The following PLPPR4 variants were observed in gnomAD, a reference collection of about 807,000 sequenced individuals.
PLPPR4 encodes the protein phospholipid phosphatase related 4.
PLPPR4 carries 24 observed loss-of-function variants against 56.6 expected under a neutral mutation model. The observed-to-expected ratio is 0.42, with a 90% CI of 0.31 to 0.60. PLPPR4 has a LOEUF of 0.60. PLPPR4 is among the 20% of genes least tolerant of loss of function. PLPPR4 has a pLI of 0.13. For synonymous variants in PLPPR4, 326 were observed against 328.1 expected, an observed-to-expected ratio of 0.99 and a Z score of 0.07; for missense variants, 654 against 885.8, an observed-to-expected ratio of 0.74 and a Z score of 3.32.
intron 1 of PLPPR4, among the ~76,000 whole-genome samples, chr1:99,273,897 G>A (rs536070468): frequency 6.6e-4 from 101 of 152,030 alleles, no homozygotes; most frequent in African/African-American, 2.2e-3. Flanking sequence ...GATATTGCTC[G>A]GCCTTGTGGA....
At chr1:99,295,371 TA>T (rs960244744) in intron 2 of PLPPR4, among the ~76,000 whole-genome samples, 7 of 152,112 alleles carry the variant, frequency 4.6e-5, no homozygotes, top group East Asian at 1.9e-4. Flanking sequence ...TTAGATTTTT[TA>T]AAAAAAACTA....
chr1:99,296,900 C>CT (rs5776465), intron 3 of PLPPR4, 33 bp downstream of exon 3: 3,099 of 1,365,450 alleles, frequency 2.3e-3, no homozygotes, highest in South Asian at 4.1e-3. Context: ...AAAAGAAATG[C>CT]TTTTTTTTTT....
intron 1 of PLPPR4, among the ~76,000 whole-genome samples, chr1:99,280,380 A>C (rs942491985): frequency 6.6e-6 from 1 of 152,198 alleles, no homozygotes; most frequent in Non-Finnish European, 1.5e-5. Context: ...AGTATCTGGC[A>C]CCTAAGTCCT....
chr1:99,287,913 T>C, intron 1 of PLPPR4, 52 bp from the exon 2 acceptor site: 1 of 1,411,792 alleles, frequency 7.1e-7, no homozygotes, highest in Non-Finnish European at 9.8e-7. Context: ...TTTCTATGTA[T>C]GCCCTGTATA....
rs1267061575 is a variant in PLPPR4, at chr1:99,307,620, G to A, written c.*610G>A. ...GACACCCCGCAGCTTCTCTGTAGTG[G>A]CTCTGTCACAGTCAAAAAATGAAAA... On this transcript the variant is annotated 3_prime_UTR_variant, in exon 7 of 7. Coordinates refer to ENST00000370185, the MANE Select transcript of PLPPR4 (RefSeq NM_014839.5). 6.6e-6 allele frequency: 1 copy of A among 152,138 alleles called. No homozygotes were observed. Among genetic ancestry groups the A allele is most frequent in the African/African-American group, 2.4e-5 (1 of 41,416 alleles). The allele number at this position is 152,138 out of a possible 1,614,324, so 9.4% of individuals were successfully genotyped here. A position where few individuals can be genotyped will look rare whatever the true frequency, so the allele number is the denominator to read the frequency against.
At chr1:99,282,755 T>G (rs712890) in intron 1 of PLPPR4, among the ~76,000 whole-genome samples, 42,317 of 151,566 alleles carry the variant, frequency 0.28, 6,152 homozygotes, top group Admixed American at 0.34. Context: ...CACTTCCTCC[T>G]TTTGATTATG....
At chr1:99,280,654 T>C (rs1021672317) in intron 1 of PLPPR4, among the ~76,000 whole-genome samples, 4 of 152,184 alleles carry the variant, frequency 2.6e-5, no homozygotes, top group Admixed American at 2.6e-4. Flanking sequence ...AGTCTTCAAT[T>C]CTGAGTGGAG....
chr1:99,288,609 A>G (rs1659533557), intron 2 of PLPPR4, among the ~76,000 whole-genome samples: 1 of 152,198 alleles, frequency 6.6e-6, no homozygotes, highest in South Asian at 2.1e-4. Context: ...CTGAGCATAA[A>G]TAATTATAAA....
chr1:99,305,401 C>A lies in PLPPR4; in HGVS notation c.823-284C>A, dbSNP rs572193925. Among the ~76,000 whole-genome samples, 8 of 152,222 alleles carry A rather than the reference C, an allele frequency of 5.3e-5. No individual in the cohort carries two copies. In the South Asian group the frequency reaches 1.7e-3, roughly 32 times the overall value. On this transcript the variant is annotated intron_variant, in intron 6 of 6. Transcript: ENST00000370185. ...AAAAAAGTCCTTATTTCTCTCTTGT[C>A]TGCTTTTTCTTCTGAAAATATACAC...
intron 1 of PLPPR4, among the ~76,000 whole-genome samples, chr1:99,271,924 G>GTC (rs1659068401): frequency 7.6e-6 from 1 of 132,238 alleles, no homozygotes; most frequent in African/African-American, 2.9e-5. Flanking sequence ...GTGTGTGTGT[G>GTC]TGTGTGTGTG....
chr1:99,309,280 C>T lies in PLPPR4; in HGVS notation c.*2270C>T, dbSNP rs1490617469. The stretch of plus-strand genomic sequence containing the variant: ...TAAATCAGACTAAAAGGTGGTATCT[C>T]TTCTTAGTGTTCTATTTATCTTATT... On this transcript the variant is annotated 3_prime_UTR_variant, in exon 7 of 7. Coordinates refer to ENST00000370185, the MANE Select transcript of PLPPR4 (RefSeq NM_014839.5). 2 of 152,418 alleles carry T rather than the reference C, an allele frequency of 1.3e-5. No individual in the cohort carries two copies. Among genetic ancestry groups the T allele is most frequent in the African/African-American group, 4.8e-5 (2 of 41,412 alleles). 9.4% of individuals were successfully genotyped at this position (152,418 alleles called of 1,614,324 possible). A position where few individuals can be genotyped will look rare whatever the true frequency, so the allele number is the denominator to read the frequency against.
Position 99,301,771 on chromosome 1 carries a change from T to C in PLPPR4, c.696T>C (p.Pro232=), listed in dbSNP as rs775473093. ...TLTDSSKLLK[P]LLVFTFIICG... is the part of the protein sequence containing the mutation. ...CGGATTCCTCTAAGCTTCTGAAACC[T>C]CTCTTGGTCTTCACATTTATCATCT... The change falls in exon 6 of 7, where the codon CCT becomes CCC. Residue 232 remains proline, a synonymous_variant. Transcript: ENST00000370185. The C allele has an allele frequency of 3.1e-6, 5 of 1,612,136 alleles. No individual in the cohort carries two copies. The East Asian group carries it at 8.9e-5, about 29-fold the overall frequency.
chr1:99,271,267 T>C (rs962819093), intron 1 of PLPPR4, among the ~76,000 whole-genome samples: 2 of 152,344 alleles, frequency 1.3e-5, no homozygotes, highest in Admixed American at 6.5e-5. Flanking sequence ...GGCATTGTTA[T>C]CTTTATTTTT....
intron 1 of PLPPR4, among the ~76,000 whole-genome samples, chr1:99,285,157 T>A (rs1230276252): frequency 2.6e-5 from 4 of 152,200 alleles, no homozygotes; most frequent in Non-Finnish European, 5.9e-5. Flanking sequence ...CTAGAATTCA[T>A]GGATTCAAAA....
intron 6 of PLPPR4, among the ~76,000 whole-genome samples, chr1:99,304,906 G>T (rs1410426040): frequency 6.6e-6 from 1 of 152,060 alleles, no homozygotes; most frequent in African/African-American, 2.4e-5. Context: ...ATGATTTTGA[G>T]TCTGAACTTT....
chr1:99,270,030 TGTG>T (rs1181830930), intron 1 of PLPPR4, among the ~76,000 whole-genome samples: 2 of 151,304 alleles, frequency 1.3e-5, no homozygotes, highest in African/African-American at 4.9e-5. Flanking sequence ...TGTGTGTGTG[TGTG>T]TGTGTGTGTG....
At chr1:99,288,576 T>A (rs1270995678) in intron 2 of PLPPR4, among the ~76,000 whole-genome samples, 2 of 152,142 alleles carry the variant, frequency 1.3e-5, no homozygotes, top group African/African-American at 4.8e-5. Flanking sequence ...TACTAGATTA[T>A]CACTGTTTAT....
chr1:99,277,709 C>T (rs1004119285), intron 1 of PLPPR4, among the ~76,000 whole-genome samples: 3 of 151,830 alleles, frequency 2.0e-5, no homozygotes, highest in Non-Finnish European at 4.4e-5. Context: ...GCTGCTCTGA[C>T]AGGGGTTCTT....
Position 99,306,912 on chromosome 1 carries a change from G to T in PLPPR4, c.2050G>T (p.Gly684Cys). ...SSRDSTLRRKGNIILIPERSN... is the reference protein window; with the variant it reads ...SSRDSTLRRKCNIILIPERSN... Reference sequence around the variant, plus strand: ...CCGCGACTCCACCCTGCGGAGAAAGGGCAATATCATTCTAATCCCTGAAAG... The same window carrying T: ...CCGCGACTCCACCCTGCGGAGAAAGTGCAATATCATTCTAATCCCTGAAAG... The change falls in exon 7 of 7, where the codon GGC (glycine) becomes TGC (cysteine). Residue 684 changes from glycine (G) to cysteine (C), a missense_variant. Around this residue, in one of 2 missense-constraint regions of PLPPR4, gnomAD observed 468 missense variants for 554.3 expected, o/e 0.84. Transcript: ENST00000370185. The surrounding 1 kb of genome is among the most constrained non-coding windows in gnomAD (Gnocchi z 4.0). The T allele has an allele frequency of 6.2e-7, 1 of 1,614,058 alleles. No individual in the cohort carries two copies. Among genetic ancestry groups the T allele is most frequent in the Non-Finnish European group, 8.5e-7 (1 of 1,179,998 alleles).
Sources: gnomAD v4.1 joint callset for allele counts (sites outside exome capture counted in the v4.1 genomes callset) on GRCh38, gnomAD v4.1.1 for gene constraint, gnomAD v4.1.1 regional missense constraint, Gnocchi (gnomAD v3.1) non-coding constraint, MANE v1.5 for transcripts, NCBI Gene and HGNC (gene_info 2026-07-23, HGNC 2026-07-21) for gene names.